The following SPTY2D1 variants were observed in gnomAD, a reference collection of about 807,000 sequenced individuals.
SPTY2D1 encodes protein SPT2 homolog.
A neutral mutation model predicts 64.0 loss-of-function variants in SPTY2D1; 21 were observed. The observed-to-expected ratio is 0.33, with a 90% CI of 0.23 to 0.47. The LOEUF is 0.47. SPTY2D1 is among the 20% of genes least tolerant of loss of function. The pLI, the probability that SPTY2D1 is intolerant of heterozygous loss-of-function variation, is 1.00. For missense variants in SPTY2D1, 724 were observed against 837.2 expected, an observed-to-expected ratio of 0.86 and a Z score of 1.67; for synonymous variants, 287 against 286.8, an observed-to-expected ratio of 1.00 and a Z score of -0.01.
chr11:18,614,847 C>A lies in SPTY2D1; in HGVS notation c.1427G>T (p.Arg476Leu). 1 of 1,613,664 alleles carries A rather than the reference C, an allele frequency of 6.2e-7. No individual in the cohort carries two copies. Among genetic ancestry groups the A allele is most frequent in the Non-Finnish European group, 8.5e-7 (1 of 1,179,756 alleles). Residue 476 changes from arginine (R) to leucine (L), a missense_variant, in exon 3 of 6, where the codon CGA becomes CTA. By Grantham distance (102) the Arg-to-Leu change is moderately radical. Around this residue, in one of 3 missense-constraint regions of SPTY2D1, gnomAD observed 426 missense variants for 431.8 expected, o/e 0.99. Coordinates refer to ENST00000336349, the MANE Select transcript of SPTY2D1 (RefSeq NM_194285.3). ...GGGGCCCAAGCCACTCACTGGTCGTCGAAGTTCATGTGGACTGCTCACAGG... is the reference window on the plus strand; with the variant it reads ...GGGGCCCAAGCCACTCACTGGTCGTAGAAGTTCATGTGGACTGCTCACAGG... ...GRPVSSPHEL[R>L]RPVSGLGPPG...
intron 1 of SPTY2D1, among the ~76,000 whole-genome samples, chr11:18,632,680 T>C (rs958972724): frequency 2.0e-5 from 3 of 152,236 alleles, no homozygotes; most frequent in African/African-American, 7.2e-5. Context: ...TTCCCCTTTT[T>C]GATTCTTCTG....
Position 18,614,978 on chromosome 11 carries a change from T to G in SPTY2D1, c.1296A>C (p.Thr432=), listed in dbSNP as rs781745128. 1.4e-5 allele frequency: 22 copies of G among 1,614,188 alleles called. No individual in the cohort carries two copies. The South Asian group carries it at 2.3e-4, about 17-fold the overall frequency. The part of the protein sequence containing the change: ...SNPSRRTVSG[T]CGPGQPASSS... ...TGCTTGCAGGTTGTCCAGGGCCACA[T>G]GTACCACTGACTGTCCGCCTAGAGG... is the stretch of plus-strand genomic sequence containing the variant. Residue 432 remains threonine, a synonymous_variant, in exon 3 of 6, where the codon ACA becomes ACC. Transcript: ENST00000336349.
intron 1 of SPTY2D1, among the ~76,000 whole-genome samples, chr11:18,632,320 A>G (rs1181006393): frequency 6.6e-6 from 1 of 152,098 alleles, no homozygotes; most frequent in Non-Finnish European, 1.5e-5. Flanking sequence ...CAGAGAATGC[A>G]TGATTCATAA....
rs1312773094 is a variant in SPTY2D1 at position 18,617,006 on chromosome 11, TAA to T, written c.61-19_61-18del. The T allele has an allele frequency of 2.5e-6, 4 of 1,607,036 alleles. No individual in the cohort carries two copies. The African/African-American group carries it at 5.4e-5, about 22-fold the overall frequency. Reference sequence around the variant, plus strand: ...ATACCTTTTCTAAAAACAAAAACAGTAAAAGTTAGAAGCAATTCAACTTTTAA... The same window carrying T: ...ATACCTTTTCTAAAAACAAAAACAGTAAGTTAGAAGCAATTCAACTTTTAA... On this transcript the variant is annotated intron_variant, in intron 1 of 5. Coordinates refer to ENST00000336349, the MANE Select transcript of SPTY2D1 (RefSeq NM_194285.3).
intron 1 of SPTY2D1, 49 bp from the exon 2 acceptor site, chr11:18,617,038 CATT>C: frequency 6.7e-7 from 1 of 1,503,638 alleles, no homozygotes; most frequent in Non-Finnish European, 9.3e-7. Context: ...TTTTAAAATA[CATT>C]ATTAGGTATA....
chr11:18,623,484 G>C (rs2134115710), intron 1 of SPTY2D1, among the ~76,000 whole-genome samples: 1 of 152,248 alleles, frequency 6.6e-6, no homozygotes, highest in African/African-American at 2.4e-5. Context: ...AATTGGACTA[G>C]GCTATAATAC....
intron 1 of SPTY2D1, among the ~76,000 whole-genome samples, chr11:18,630,857 T>C (rs1375383079): frequency 1.3e-5 from 2 of 152,218 alleles, no homozygotes; most frequent in East Asian, 3.8e-4. Flanking sequence ...AGTCTCGCTC[T>C]GTCACCCCGG....
rs567971573 is a variant in SPTY2D1, at chr11:18,625,099, A to G, written c.61-8110T>C. On this transcript the variant is annotated intron_variant, in intron 1 of 5. Coordinates refer to ENST00000336349, the MANE Select transcript of SPTY2D1 (RefSeq NM_194285.3). ...AATATAAATTTCTTGATGGCTTTAC[A>G]TAAGAGATTTATAACTGGTTAGAAT... Among the ~76,000 whole-genome samples the G allele has an allele frequency of 3.9e-5, 6 of 152,378 alleles. No homozygotes were observed. The South Asian group carries it at 6.2e-4, about 16-fold the overall frequency.
At chr11:18,628,855 T>C (rs948264647) in intron 1 of SPTY2D1, among the ~76,000 whole-genome samples, 4 of 152,336 alleles carry the variant, frequency 2.6e-5, no homozygotes, top group Admixed American at 1.3e-4. Flanking sequence ...GTAACTACTA[T>C]GCAAATCGTG....
intron 1 of SPTY2D1, among the ~76,000 whole-genome samples, chr11:18,628,945 C>T (rs997444316): frequency 6.6e-6 from 1 of 152,130 alleles, no homozygotes; most frequent in Non-Finnish European, 1.5e-5. Flanking sequence ...ATCTACCTGG[C>T]CCCTGAAGAC....
In SPTY2D1 at chr11:18,622,086, C is replaced by CAAAAAAAAAAAAAAAAAAA. The variant is rs747593791; in HGVS notation, c.61-5098_61-5097insTTTTTTTTTTTTTTTTTTT. ...TGAACAACAGAGTAAGACCCTATCT[C>CAAAAAAAAAAAAAAAAAAA]AAAAAAAAAAAAAAAAAACCAAAAC... On this transcript the variant is annotated intron_variant, in intron 1 of 5. Coordinates refer to ENST00000336349, the MANE Select transcript of SPTY2D1 (RefSeq NM_194285.3). Among the ~76,000 whole-genome samples, 28 of 11,814 alleles carry CAAAAAAAAAAAAAAAAAAA rather than the reference C, an allele frequency of 2.4e-3. 5 individuals are homozygous for CAAAAAAAAAAAAAAAAAAA. Among genetic ancestry groups the CAAAAAAAAAAAAAAAAAAA allele is most frequent in the East Asian group, 0.014 (3 of 220 alleles). The allele number at this position is 11,814 out of a possible 152,430, so 7.8% of individuals were successfully genotyped here. A position where few individuals can be genotyped will look rare whatever the true frequency, so the allele number is the denominator to read the frequency against.
intron 1 of SPTY2D1, among the ~76,000 whole-genome samples, chr11:18,623,577 G>T (rs1854450858): frequency 6.6e-6 from 1 of 152,188 alleles, no homozygotes; most frequent in African/African-American, 2.4e-5. Context: ...TTTAGGTAAA[G>T]AATACTACCC....
At chr11:18,624,436 C>T (rs1309999772) in intron 1 of SPTY2D1, among the ~76,000 whole-genome samples, 1 of 152,266 alleles carries the variant, frequency 6.6e-6, no homozygotes, top group Admixed American at 6.5e-5. Context: ...TAAGCATATC[C>T]ATTTTATTAC....
In SPTY2D1 at chr11:18,630,408, G is replaced by A. The variant is rs1390149172; in HGVS notation, c.60+3790C>T. ...GAGAATCGCTTGAACCCAGAAGGTGGAGGCTGCAGTGAGCAGAGATAGCGC... is the reference window on the plus strand; with the variant it reads ...GAGAATCGCTTGAACCCAGAAGGTGAAGGCTGCAGTGAGCAGAGATAGCGC... On this transcript the variant is annotated intron_variant, in intron 1 of 5. Transcript: ENST00000336349. Among the ~76,000 whole-genome samples the A allele has an allele frequency of 3.3e-5, 5 of 152,304 alleles. No homozygotes were observed. In the South Asian group the frequency reaches 1.0e-3, roughly 32 times the overall value.
At chr11:18,633,903 G>A (rs1181211497) in intron 1 of SPTY2D1, among the ~76,000 whole-genome samples, 2 of 152,196 alleles carry the variant, frequency 1.3e-5, no homozygotes, top group East Asian at 1.9e-4. Flanking sequence ...CAGCGTGCCA[G>A]GCACAGCTCA....
intron 1 of SPTY2D1, among the ~76,000 whole-genome samples, chr11:18,618,049 G>A (rs1193525035): frequency 1.3e-5 from 2 of 152,088 alleles, no homozygotes; most frequent in Non-Finnish European, 2.9e-5. Context: ...CTTTTCAAAC[G>A]AACAGAAAAA....
At chr11:18,620,138 T>C (rs1367703807) in intron 1 of SPTY2D1, among the ~76,000 whole-genome samples, 1 of 152,206 alleles carries the variant, frequency 6.6e-6, no homozygotes, top group Non-Finnish European at 1.5e-5. Flanking sequence ...GATTTTTGCC[T>C]TTGTGGTATA....
chr11:18,619,238 C>T (rs949177457), intron 1 of SPTY2D1, among the ~76,000 whole-genome samples: 2 of 152,020 alleles, frequency 1.3e-5, no homozygotes, highest in African/African-American at 4.8e-5. Flanking sequence ...ATACAAAAAA[C>T]TCATAAGCAG....
intron 2 of SPTY2D1, 115 bp from the exon 3 acceptor site, chr11:18,616,213 G>C (rs1854298117): frequency 1.1e-6 from 1 of 936,394 alleles, no homozygotes; most frequent in Non-Finnish European, 1.6e-6. Context: ...AATCAAATGA[G>C]GAAGTCATGT....
Sources: allele counts gnomAD v4.1 joint callset (sites outside exome capture counted in the v4.1 genomes callset), GRCh38; gene constraint gnomAD v4.1.1; regional missense constraint gnomAD v4.1.1; transcripts MANE v1.5; gene names NCBI Gene and HGNC (gene_info 2026-07-23, HGNC 2026-07-21).